CFAP61: variants seen among roughly 807,000 people sequenced by gnomAD.
CFAP61 encodes the protein cilia and flagella associated protein 61, also known as cilia- and flagella-associated protein 61.
Under a neutral mutation model 135.6 loss-of-function variants are expected in CFAP61, and 107 were observed. That is an observed-to-expected ratio of 0.79 (90% CI 0.67 to 0.93). CFAP61 has a LOEUF of 0.93. Among genes scored for constraint, CFAP61 ranks in the 40% least tolerant of loss-of-function variants. The probability of loss-of-function intolerance (pLI) is 0.00; values close to 1 mark genes in which losing one functional copy is unlikely to be tolerated. For missense variants in CFAP61, 1,507 were observed against 1,556.2 expected, an observed-to-expected ratio of 0.97 and a Z score of 0.53; for synonymous variants, 575 against 578.5, an observed-to-expected ratio of 0.99 and a Z score of 0.09.
chr20:20,157,393 T>C (rs2053007540), intron 9 of CFAP61, among the ~76,000 whole-genome samples: 1 of 152,182 alleles, frequency 6.6e-6, no homozygotes, highest in Non-Finnish European at 1.5e-5. Context: ...AAGATTATTG[T>C]AATGAAGATA....
intron 18 of CFAP61, among the ~76,000 whole-genome samples, chr20:20,229,322 T>C (rs913346042): frequency 8.5e-5 from 13 of 152,196 alleles, no homozygotes; most frequent in African/African-American, 3.1e-4. Flanking sequence ...TCTCTCAAAC[T>C]CGCTATCTTC....
chr20:20,106,117 T>C (rs1310615179), intron 8 of CFAP61, among the ~76,000 whole-genome samples: 3 of 145,756 alleles, frequency 2.1e-5, no homozygotes, highest in Non-Finnish European at 4.5e-5. Flanking sequence ...ATAAAACAAA[T>C]AAATCATACC....
chr20:20,093,155 C>G (rs1403726778), intron 7 of CFAP61, among the ~76,000 whole-genome samples: 1 of 152,196 alleles, frequency 6.6e-6, no homozygotes, highest in Non-Finnish European at 1.5e-5. Flanking sequence ...AGCACTGATA[C>G]ATGCTACAGC....
Position 20,228,278 on chromosome 20 carries a change from A to C in CFAP61, c.1962A>C (p.Arg654Ser). Reference protein sequence around the residue: ...PMSYALNHTNRKLTLEPKITV... With the variant: ...PMSYALNHTNSKLTLEPKITV... ...GTTATGCTTTAAACCATACAAACAG[A>C]AAACTAACATTGGAACCTAAAATTA... The change falls in exon 18 of 27, where the codon AGA becomes AGC. Residue 654 changes from arginine to serine, a missense_variant. Arg to Ser is a moderately radical substitution (Grantham distance 110). Coordinates refer to ENST00000245957, the MANE Select transcript of CFAP61 (RefSeq NM_015585.4). 6.2e-7 allele frequency: 1 copy of C among 1,611,314 alleles called. No individual in the cohort carries two copies. The highest frequency in any genetic ancestry group is 8.5e-7 in the Non-Finnish European group (1 of 1,177,752).
chr20:20,159,538 A>G, intron 10 of CFAP61, 94 bp downstream of exon 10: 3 of 1,096,474 alleles, frequency 2.7e-6, no homozygotes, highest in Non-Finnish European at 4.2e-6. Flanking sequence ...TCCTCCTCCC[A>G]ATCTCCCTGC....
chr20:20,062,839 A>G (rs978095404), intron 2 of CFAP61, among the ~76,000 whole-genome samples: 5 of 152,206 alleles, frequency 3.3e-5, no homozygotes, highest in Non-Finnish European at 7.3e-5. Flanking sequence ...ATTTTCCATA[A>G]TTACACACGT....
chr20:20,319,161 C>T (rs1335263655), intron 25 of CFAP61, among the ~76,000 whole-genome samples: 2 of 152,208 alleles, frequency 1.3e-5, no homozygotes, highest in Admixed American at 6.5e-5. Context: ...GCCCATAATA[C>T]ATAGTTCTGC....
intron 15 of CFAP61, among the ~76,000 whole-genome samples, chr20:20,195,997 C>T (rs1030857952): frequency 2.0e-5 from 3 of 152,206 alleles, no homozygotes; most frequent in South Asian, 2.1e-4. Flanking sequence ...GGGAGGATCT[C>T]TTGAACCCAG....
At chr20:20,154,904 C>T (rs942844967) in intron 9 of CFAP61, among the ~76,000 whole-genome samples, 12 of 152,072 alleles carry the variant, frequency 7.9e-5, no homozygotes, top group African/African-American at 2.9e-4. Context: ...CATCATTCTT[C>T]ACAGAACTAG....
At chr20:20,155,778 G>A (rs2146787603) in intron 9 of CFAP61, among the ~76,000 whole-genome samples, 1 of 152,246 alleles carries the variant, frequency 6.6e-6, no homozygotes, top group South Asian at 2.1e-4. Flanking sequence ...AACAGATCTT[G>A]GCTTGGATGT....
chr20:20,196,787 G>C lies in CFAP61; in HGVS notation c.1797+11G>C. 1 of 1,607,828 alleles carries C rather than the reference G, an allele frequency of 6.2e-7. No homozygotes were observed. Among genetic ancestry groups the C allele is most frequent in the Non-Finnish European group, 8.5e-7 (1 of 1,174,254 alleles). On this transcript the variant is annotated intron_variant, in intron 16 of 26. Transcript: ENST00000245957. The stretch of plus-strand genomic sequence containing the variant: ...TCCAGAGAAGGCAAGGTAAGAGAAT[G>C]GTGCAATTCACTTTCCCAGCAGGTC...
chr20:20,133,513 T>G (rs2050697406), intron 8 of CFAP61, among the ~76,000 whole-genome samples: 1 of 152,166 alleles, frequency 6.6e-6, no homozygotes, highest in Admixed American at 6.5e-5. Flanking sequence ...GCAGGTCACA[T>G]GATTAAACCC....
In CFAP61 at chr20:20,355,395, A is replaced by AAG. The variant is rs1569330611; in HGVS notation, c.3514-4815_3514-4814insAG. 8.8e-4 allele frequency among the ~76,000 whole-genome samples: 32 copies of AAG among 36,400 alleles called. 2 individuals carry two copies. The highest frequency in any genetic ancestry group is 7.5e-3 in the East Asian group (6 of 798). 23.9% of individuals were successfully genotyped at this position (36,400 alleles called of 152,430 possible). A position where few individuals can be genotyped will look rare whatever the true frequency, so the allele number is the denominator to read the frequency against. ...GGAGGTAGTGACACTGTGAGCAGAG[A>AAG]TGGTCACACTGTGAGGGGAGGTGGT... On this transcript the variant is annotated intron_variant, in intron 26 of 26. Transcript: ENST00000245957.
At chr20:20,280,973 T>C (rs923254123) in intron 22 of CFAP61, among the ~76,000 whole-genome samples, 1 of 152,210 alleles carries the variant, frequency 6.6e-6, no homozygotes, top group Non-Finnish European at 1.5e-5. Context: ...TAATTATGTT[T>C]GGTATCTTTT....
chr20:20,116,225 A>G (rs2049131017), intron 8 of CFAP61, among the ~76,000 whole-genome samples: 1 of 152,056 alleles, frequency 6.6e-6, no homozygotes, highest in Non-Finnish European at 1.5e-5. Flanking sequence ...CCTGTTGTCC[A>G]TTCATATGTC....
chr20:20,198,713 G>T (rs533354333), intron 16 of CFAP61, among the ~76,000 whole-genome samples: 1 of 152,318 alleles, frequency 6.6e-6, no homozygotes, highest in Non-Finnish European at 1.5e-5. Context: ...ACAGGGTGCT[G>T]GCTAGGGTTC....
chr20:20,257,062 A>G (rs144469211), intron 20 of CFAP61, among the ~76,000 whole-genome samples: 1,724 of 152,342 alleles, frequency 0.011, 16 homozygotes, highest in South Asian at 0.029. Context: ...ATAACAGATT[A>G]CAACCTTTCT....
At chr20:20,266,014 C>G (rs2052709587) in intron 21 of CFAP61, among the ~76,000 whole-genome samples, 1 of 152,162 alleles carries the variant, frequency 6.6e-6, no homozygotes, top group South Asian at 2.1e-4. Flanking sequence ...GAACCAACAA[C>G]CACAGACAGA....
At position 20,164,199 on chromosome 20, in the gene CFAP61, G is replaced by A; in HGVS notation, c.1176G>A (p.Leu392=). The change falls in exon 11 of 27, where the codon CTG becomes CTA. Residue 392 remains leucine, a synonymous_variant. Coordinates refer to ENST00000245957, the MANE Select transcript of CFAP61 (RefSeq NM_015585.4). ...CCTCAGCTGCTTTTTGTATTCAGCT[G>A]TTTTGTATTGATGAGAAATATGAAG... ...RGASAAFCIQ[L]FCIDEKYEAR... is the part of the protein sequence containing the mutation. The A allele has an allele frequency of 1.2e-6, 2 of 1,613,896 alleles. No individual in the cohort carries two copies. The highest frequency in any genetic ancestry group is 1.7e-6 in the Non-Finnish European group (2 of 1,179,884).
Sources: allele counts gnomAD v4.1 joint callset (sites outside exome capture counted in the v4.1 genomes callset), GRCh38; gene constraint gnomAD v4.1.1; transcripts MANE v1.5; gene names NCBI Gene and HGNC (gene_info 2026-07-23, HGNC 2026-07-21).